The following FAAP100 variants were observed in gnomAD, a reference collection of about 807,000 sequenced individuals.
FAAP100 encodes the protein FA core complex associated protein 100.
A neutral mutation model predicts 65.8 loss-of-function variants in FAAP100; 46 were observed. That is an observed-to-expected ratio of 0.70 (90% CI 0.55 to 0.89). The LOEUF is 0.89. Among genes scored for constraint, FAAP100 ranks in the 40% least tolerant of loss-of-function variants. The probability of loss-of-function intolerance (pLI) is 0.00; values close to 1 mark genes in which losing one functional copy is unlikely to be tolerated. For missense variants in FAAP100, 1,165 were observed against 1,196.7 expected, an observed-to-expected ratio of 0.97 and a Z score of 0.39; for synonymous variants, 663 against 555.1, an observed-to-expected ratio of 1.19 and a Z score of -2.73.
chr17:81,550,577 T>TC lies in FAAP100; in HGVS notation c.916dup (p.Asp306GlyfsTer5), dbSNP rs1386850400. The TC allele has an allele frequency of 6.2e-7, 1 of 1,612,608 alleles. No homozygotes were observed. Among genetic ancestry groups the TC allele is most frequent in the Non-Finnish European group, 8.5e-7 (1 of 1,179,922 alleles). The stretch of plus-strand genomic sequence containing the variant: ...GGCCACCAGGCAGTCACAGTGCACA[T>TC]CCTCGTCAGGCAGAAAATTCTCTGC... On this transcript the variant is annotated frameshift_variant, in exon 3 of 9. Coordinates refer to ENST00000327787, the MANE Select transcript of FAAP100 (RefSeq NM_025161.6). LOFTEE classifies it high-confidence loss of function.
At chr17:81,549,158 C>T (rs776158998) in intron 4 of FAAP100, 48 bp downstream of exon 4, 1 of 1,600,444 alleles carries the variant, frequency 6.2e-7, no homozygotes, top group Non-Finnish European at 8.5e-7. Flanking sequence ...CGCTACCTCC[C>T]AAGGATGGCA....
At chr17:81,553,105 G>C (rs74002425), upstream of FAAP100, 142,335 of 163,118 alleles carry the variant, frequency 0.87, 62,558 homozygotes, top group East Asian at 1. Flanking sequence ...CCTGCAGTAC[G>C]GACACCTGCT....
In FAAP100 at chr17:81,551,743, A is replaced by C. The variant is rs546934688; in HGVS notation, c.290+185T>G. The C allele has an allele frequency of 2.9e-6, 4 of 1,363,490 alleles. No homozygotes were observed. In the East Asian group the frequency reaches 9.2e-5, roughly 31 times the overall value. The allele number at this position is 1,363,490 out of a possible 1,614,324, so 84.5% of individuals were successfully genotyped here. On this transcript the variant is annotated intron_variant, in intron 2 of 8. Transcript: ENST00000327787. ...TGAACCCCACTTACTAAGGACTGTG[A>C]GCAAGACACTTGCAGAAAGAGTGCT...
At chr17:81,552,933 A>T (rs2033554045), upstream of FAAP100, 1 of 152,232 alleles carries the variant, frequency 6.6e-6, no homozygotes, top group Admixed American at 6.6e-5. Flanking sequence ...TCCGTGGCTG[A>T]ACACGTGGGG....
At chr17:81,550,072 C>T (rs2033434579) in intron 3 of FAAP100, among the ~76,000 whole-genome samples, 176 bp downstream of exon 3, 1 of 152,174 alleles carries the variant, frequency 6.6e-6, no homozygotes, top group South Asian at 2.1e-4. Flanking sequence ...GGTAGGCCCA[C>T]CACCAGCCCC....
chr17:81,545,956 A>G (rs977885375), intron 5 of FAAP100, 74 bp from the exon 6 acceptor site: 1 of 1,521,160 alleles, frequency 6.6e-7, no homozygotes, highest in South Asian at 1.2e-5. Context: ...CCAGGTGGGC[A>G]TCTGCATACC....
intron 7 of FAAP100, among the ~76,000 whole-genome samples, chr17:81,543,404 C>A (rs534871329): frequency 2.6e-5 from 4 of 152,206 alleles, no homozygotes; most frequent in African/African-American, 9.7e-5. Context: ...TCCTAGCGGG[C>A]GGGCGTGACG....
intron 4 of FAAP100, 57 bp from the exon 5 acceptor site, chr17:81,547,735 C>T: frequency 6.4e-7 from 1 of 1,574,354 alleles, no homozygotes; most frequent in Non-Finnish European, 8.7e-7. Context: ...CACCAGGTGC[C>T]ACATCTTGAC....
At chr17:81,545,234 C>G (rs910292330) in intron 6 of FAAP100, among the ~76,000 whole-genome samples, 1 of 152,364 alleles carries the variant, frequency 6.6e-6, no homozygotes, top group South Asian at 2.1e-4. Flanking sequence ...CAGGGACACA[C>G]GTGTCCTGGC....
rs764285449 is a variant in FAAP100, at chr17:81,552,157, G to A, written c.165+9C>T. ...CCGGTCCCTCCCGCCCCCGCGGGCC[G>A]GCGCTCACGGTCAGCAGCCCGCCCT... On this transcript the variant is annotated intron_variant, in intron 1 of 8. Transcript: ENST00000327787. 8 of 1,490,126 alleles carry A rather than the reference G, an allele frequency of 5.4e-6. No individual in the cohort carries two copies. Among genetic ancestry groups the A allele is most frequent in the Non-Finnish European group, 7.1e-6 (8 of 1,127,602 alleles). 92.3% of individuals were successfully genotyped at this position (1,490,126 alleles called of 1,614,324 possible).
At chr17:81,549,940 C>T (rs1307947096) in intron 3 of FAAP100, among the ~76,000 whole-genome samples, 1 of 152,124 alleles carries the variant, frequency 6.6e-6, no homozygotes, top group Admixed American at 6.5e-5. Flanking sequence ...TAAGACCTGC[C>T]CAGGAGGCGC....
rs1241915680 is a variant in FAAP100 at position 81,547,579 on chromosome 17, C to T, written c.1503G>A (p.Thr501=). 2.5e-6 allele frequency: 4 copies of T among 1,613,482 alleles called. No individual in the cohort carries two copies. The highest frequency in any genetic ancestry group is 2.2e-5 in the East Asian group (1 of 44,888). Residue 501 remains threonine, a synonymous_variant, in exon 5 of 9, where the codon ACG becomes ACA. Transcript: ENST00000327787. ...NVSCALLSSG[T]GPRPISCTTS... is the part of the protein sequence containing the mutation. Reference sequence around the variant, plus strand: ...TGGTGCAGGAGATGGGTCTGGGGCCCGTGCCGCTTGACAGCAGTGCACAGC... The same window carrying T: ...TGGTGCAGGAGATGGGTCTGGGGCCTGTGCCGCTTGACAGCAGTGCACAGC...
At position 81,545,821 on chromosome 17, in the gene FAAP100, G is replaced by A. The variant is rs768330250; in HGVS notation, c.2235C>T (p.Val745=). ...WLLAENAAVD[V]VRARALSSIQ... ...TGGAAGATAGTGCTCGGGCCCTCAC[G>A]ACGTCCACAGCAGCATTCTCAGCAA... Residue 745 remains valine, a synonymous_variant, in exon 6 of 9, where the codon GTC becomes GTT. Coordinates refer to ENST00000327787, the MANE Select transcript of FAAP100 (RefSeq NM_025161.6). 2.0e-5 allele frequency: 32 copies of A among 1,611,668 alleles called. No homozygotes were observed. In the Admixed American group the frequency reaches 3.2e-4, roughly 16 times the overall value.
At chr17:81,545,677 G>A (rs2033272909) in intron 6 of FAAP100, 69 bp downstream of exon 6, 1 of 1,539,024 alleles carries the variant, frequency 6.5e-7, no homozygotes, top group Admixed American at 1.9e-5. Context: ...GTCCTCCCGA[G>A]CTCCGGCCCA....
rs1483341018 is a variant in FAAP100, at chr17:81,552,069, G to A, written c.166-17C>T. Reference sequence around the variant, plus strand: ...GAACGCCGCCTGCGGACCGGGGCGCGGGTCAGGCCGACGCGACGCGCGGGC... The same window carrying A: ...GAACGCCGCCTGCGGACCGGGGCGCAGGTCAGGCCGACGCGACGCGCGGGC... On this transcript the variant is annotated splice_polypyrimidine_tract_variant and intron_variant, in intron 1 of 8. Coordinates refer to ENST00000327787, the MANE Select transcript of FAAP100 (RefSeq NM_025161.6). 6.8e-7 allele frequency: 1 copy of A among 1,474,188 alleles called. No homozygotes were observed. The highest frequency in any genetic ancestry group is 8.9e-7 in the Non-Finnish European group (1 of 1,124,530). The allele number at this position is 1,474,188 out of a possible 1,614,324, so 91.3% of individuals were successfully genotyped here.
At chr17:81,543,558 A>C (rs554104291) in intron 7 of FAAP100, among the ~76,000 whole-genome samples, 1 of 152,150 alleles carries the variant, frequency 6.6e-6, no homozygotes, top group South Asian at 2.1e-4. Context: ...TGGGGCTGTG[A>C]GTGGGGGGAA....
chr17:81,542,183 AAAAAAAAAAAAAAAAAAATATAT>A (rs1222695155), intron 7 of FAAP100, among the ~76,000 whole-genome samples: 2 of 26,290 alleles, frequency 7.6e-5, no homozygotes, highest in African/African-American at 3.1e-4. Context: ...AAAAAAAAAA[AAAAAAAAAAAAAAAAAAATATAT>A]ATATATATAT....
intron 4 of FAAP100, among the ~76,000 whole-genome samples, 182 bp downstream of exon 4, chr17:81,549,024 C>T (rs74530133): frequency 0.69 from 93,701 of 135,278 alleles, 33,105 homozygotes; most frequent in Non-Finnish European, 0.78. Flanking sequence ...TGGGTGACAG[C>T]GTGAGACTCC....
At chr17:81,543,303 G>A (rs1271130867) in intron 7 of FAAP100, among the ~76,000 whole-genome samples, 1 of 152,230 alleles carries the variant, frequency 6.6e-6, no homozygotes, top group Non-Finnish European at 1.5e-5. Context: ...CCCAGGTGGA[G>A]CTGAGGCAGG....
Sources: gnomAD v4.1 joint callset for allele counts (sites outside exome capture counted in the v4.1 genomes callset) on GRCh38, gnomAD v4.1.1 for gene constraint, MANE v1.5 for transcripts, NCBI Gene and HGNC (gene_info 2026-07-23, HGNC 2026-07-21) for gene names.